The following LOC128125817 variants were observed in gnomAD, a reference collection of about 807,000 sequenced individuals.
the LOC128125817 span, among the ~76,000 whole-genome samples, chr1:41,623,904 G>A: frequency 6.6e-6 from 1 of 151,990 alleles, no homozygotes; most frequent in Admixed American, 6.6e-5. Context: ...ATGCCGATCA[G>A]AGTGACGTGT....
the LOC128125817 span, among the ~76,000 whole-genome samples, chr1:41,627,995 T>C: frequency 6.6e-6 from 1 of 152,128 alleles, no homozygotes; most frequent in Non-Finnish European, 1.5e-5. Flanking sequence ...CAAGGACTTG[T>C]TCTTGACCCA....
the LOC128125817 span, among the ~76,000 whole-genome samples, chr1:41,624,501 A>C: frequency 6.6e-6 from 1 of 152,262 alleles, no homozygotes; most frequent in African/African-American, 2.4e-5. Flanking sequence ...TCACCGTTGA[A>C]ATGTATCTTC....
chr1:41,620,107 G>C, the LOC128125817 span, among the ~76,000 whole-genome samples: 796 of 152,284 alleles, frequency 5.2e-3, 21 homozygotes, highest in East Asian at 0.077. Flanking sequence ...CAGGAGAAGA[G>C]GACAAAGGCT....
the LOC128125817 span, among the ~76,000 whole-genome samples, chr1:41,612,365 G>C: frequency 6.6e-6 from 1 of 152,126 alleles, no homozygotes; most frequent in Non-Finnish European, 1.5e-5. Context: ...CTCACCAAAG[G>C]CCCCTGTAGC....
At chr1:41,602,571 C>T in the LOC128125817 span, among the ~76,000 whole-genome samples, 1,718 of 152,140 alleles carry the variant, frequency 0.011, 33 homozygotes, top group African/African-American at 0.04. Context: ...TCTGTGGCAT[C>T]AGTTGTGATG....
chr1:41,616,699 C>T, the LOC128125817 span, among the ~76,000 whole-genome samples: 9 of 151,364 alleles, frequency 5.9e-5, no homozygotes, highest in East Asian at 7.7e-4. Flanking sequence ...ATGATCCTCC[C>T]GCCTTAGCAT....
At chr1:41,621,164 T>C in the LOC128125817 span, among the ~76,000 whole-genome samples, 7 of 152,224 alleles carry the variant, frequency 4.6e-5, no homozygotes, top group Admixed American at 1.3e-4. Flanking sequence ...GTCTGAATAA[T>C]ACTTGTGGTG....
At chr1:41,599,236 T>C in the LOC128125817 span, among the ~76,000 whole-genome samples, 4 of 152,154 alleles carry the variant, frequency 2.6e-5, no homozygotes, top group Non-Finnish European at 5.9e-5. Context: ...CCCGATATCA[T>C]ACCATACACA....
the LOC128125817 span, among the ~76,000 whole-genome samples, chr1:41,594,528 TTA>T: frequency 6.6e-6 from 1 of 152,212 alleles, no homozygotes; most frequent in South Asian, 2.1e-4. Flanking sequence ...GGCCGATATC[TTA>T]TGTTTTAAAA....
chr1:41,588,623 C>T, the LOC128125817 span, among the ~76,000 whole-genome samples: 2 of 152,102 alleles, frequency 1.3e-5, no homozygotes, highest in East Asian at 3.9e-4. Context: ...GTCCAGCCTG[C>T]ACCTGTGGGC....
At chr1:41,617,925 T>C in the LOC128125817 span, among the ~76,000 whole-genome samples, 1 of 152,232 alleles carries the variant, frequency 6.6e-6, no homozygotes, top group African/African-American at 2.4e-5. Flanking sequence ...TGGAGGGCAA[T>C]GACCGCACCA....
chr1:41,613,672 A>G, the LOC128125817 span, among the ~76,000 whole-genome samples: 1 of 152,248 alleles, frequency 6.6e-6, no homozygotes, highest in Non-Finnish European at 1.5e-5. Context: ...AATGCTGTCT[A>G]GTCATTTGAT....
chr1:41,602,267 T>C, the LOC128125817 span, among the ~76,000 whole-genome samples: 1 of 152,194 alleles, frequency 6.6e-6, no homozygotes, highest in East Asian at 1.9e-4. Flanking sequence ...TAAAATGAGT[T>C]TGGAGGTGTT....
chr1:41,605,565 TA>T, the LOC128125817 span, among the ~76,000 whole-genome samples: 1 of 151,524 alleles, frequency 6.6e-6, no homozygotes, highest in Non-Finnish European at 1.5e-5. Context: ...ACCAAAAAGA[TA>T]ATAAGGGGTG....
the LOC128125817 span, among the ~76,000 whole-genome samples, chr1:41,626,808 T>C: frequency 1.3e-5 from 2 of 152,182 alleles, no homozygotes; most frequent in East Asian, 3.9e-4. Flanking sequence ...CATGTGGACA[T>C]TCCTGGGGAA....
At chr1:41,621,919 C>T in the LOC128125817 span, among the ~76,000 whole-genome samples, 10 of 152,228 alleles carry the variant, frequency 6.6e-5, no homozygotes, top group African/African-American at 2.4e-4. Flanking sequence ...ACTCAAATGC[C>T]TTCACCTTCC....
At chr1:41,588,709 C>T in the LOC128125817 span, among the ~76,000 whole-genome samples, 24 of 152,270 alleles carry the variant, frequency 1.6e-4, no homozygotes, top group Non-Finnish European at 2.8e-4. Flanking sequence ...ACAGGAGCAC[C>T]GTTGGCTGCC....
At chr1:41,624,076 C>T in the LOC128125817 span, among the ~76,000 whole-genome samples, 353 of 152,346 alleles carry the variant, frequency 2.3e-3, 1 homozygote, top group South Asian at 5.0e-3. Context: ...AGCAGAAGCT[C>T]ACATGGCCTC....
At chr1:41,587,973 T>C in the LOC128125817 span, among the ~76,000 whole-genome samples, 8 of 152,184 alleles carry the variant, frequency 5.3e-5, no homozygotes, top group Non-Finnish European at 1.0e-4. Flanking sequence ...ACAATAGAGT[T>C]GCCCTTTCAA....
Sources: allele counts gnomAD v4.1 joint callset (sites outside exome capture counted in the v4.1 genomes callset), GRCh38; gene constraint gnomAD v4.1.1; transcripts MANE v1.5.